Variants in ASCC1 observed in about 807,000 individuals in gnomAD.
The protein encoded by ASCC1 is activating signal cointegrator 1 complex subunit 1.
Under a neutral mutation model 46.6 loss-of-function variants are expected in ASCC1, and 35 were observed. The ratio of observed to expected loss-of-function variants is 0.75; its 90% CI spans 0.57 to 0.99. The LOEUF (loss-of-function observed/expected upper bound fraction) is 0.99, where lower values mean the gene tolerates loss of function less well. Among genes scored for constraint, ASCC1 ranks in the 50% least tolerant of loss-of-function variants. ASCC1 has a pLI of 0.00. For synonymous variants in ASCC1, 143 were observed against 146.6 expected (o/e 0.98, Z 0.18); for missense variants, 376 against 428.7 (o/e 0.88, Z 1.09).
At chr10:72,210,928 G>C in intron 2 of ASCC1, 97 bp from the exon 3 acceptor site, 1 of 1,069,946 alleles carries the variant, frequency 9.3e-7, no homozygotes, top group Non-Finnish European at 1.4e-6. Flanking sequence ...TTTAAAAAAA[G>C]CAATACACAG....
chr10:72,182,754 T>A (rs1852809333), intron 5 of ASCC1, among the ~76,000 whole-genome samples: 1 of 149,746 alleles, frequency 6.7e-6, no homozygotes, highest in African/African-American at 2.5e-5. Context: ...GGCCAGAGGA[T>A]CACTTGAGGC....
chr10:72,160,976 A>G (rs573910428), intron 6 of ASCC1, among the ~76,000 whole-genome samples: 34 of 151,986 alleles, frequency 2.2e-4, no homozygotes, highest in African/African-American at 5.3e-4. Context: ...CCAGCTACTC[A>G]GGAGGCTGAG....
rs549491517 is a variant in ASCC1, at chr10:72,153,737, A to AT, written c.627-750dup. 7.2e-3 allele frequency among the ~76,000 whole-genome samples: 938 copies of AT among 130,204 alleles called. 3 individuals carry two copies. Among genetic ancestry groups the AT allele is most frequent in the Middle Eastern group, 0.028 (5 of 180 alleles). The allele number at this position is 130,204 out of a possible 152,430, so 85.4% of individuals were successfully genotyped here. On this transcript the variant is annotated intron_variant, in intron 6 of 9. Coordinates refer to ENST00000672957, the MANE Select transcript of ASCC1 (RefSeq NM_001198800.3). The stretch of plus-strand genomic sequence containing the variant: ...CACCACGCCTGGCCTTTTTTATTTT[A>AT]TTTTTTTTGAGACAGTTTTGCTAGT...
At chr10:72,111,411 G>C (rs1564587557) in intron 9 of ASCC1, among the ~76,000 whole-genome samples, 1 of 152,170 alleles carries the variant, frequency 6.6e-6, no homozygotes. Flanking sequence ...ACTTAAGCCT[G>C]GGAGACTGAG....
chr10:72,120,385 C>T (rs1844051925), intron 9 of ASCC1, among the ~76,000 whole-genome samples: 1 of 151,462 alleles, frequency 6.6e-6, no homozygotes, highest in South Asian at 2.1e-4. Context: ...AAGCAGAGAA[C>T]AAAGACTGAA....
At chr10:72,160,819 C>T (rs1044424116) in intron 6 of ASCC1, among the ~76,000 whole-genome samples, 1 of 149,354 alleles carries the variant, frequency 6.7e-6, no homozygotes, top group Non-Finnish European at 1.5e-5. Flanking sequence ...CTTGGTTGCT[C>T]ACGCCTGTAA....
chr10:72,156,581 T>C (rs1848992096), intron 6 of ASCC1, among the ~76,000 whole-genome samples: 1 of 151,952 alleles, frequency 6.6e-6, no homozygotes, highest in Non-Finnish European at 1.5e-5. Context: ...GCTAACATGC[T>C]GAAAGACGGT....
chr10:72,121,936 A>T (rs751761620), intron 9 of ASCC1, among the ~76,000 whole-genome samples: 4 of 152,250 alleles, frequency 2.6e-5, no homozygotes, highest in African/African-American at 4.8e-5. Context: ...ATCCAACAAC[A>T]GCAGATTACA....
chr10:72,109,913 A>G (rs1294871369), intron 9 of ASCC1, among the ~76,000 whole-genome samples: 1 of 152,204 alleles, frequency 6.6e-6, no homozygotes, highest in Non-Finnish European at 1.5e-5. Flanking sequence ...CCGTTTCCAC[A>G]TTACGTCACA....
intron 5 of ASCC1, among the ~76,000 whole-genome samples, chr10:72,162,053 G>A (rs1849756125): frequency 6.6e-6 from 1 of 151,866 alleles, no homozygotes; most frequent in Non-Finnish European, 1.5e-5. Flanking sequence ...GTGAAAAGAA[G>A]CCTACAGAAT....
At chr10:72,112,296 C>T (rs560321942) in intron 9 of ASCC1, among the ~76,000 whole-genome samples, 31 of 152,260 alleles carry the variant, frequency 2.0e-4, no homozygotes, top group African/African-American at 7.2e-4. Flanking sequence ...ACCTTGAAAA[C>T]ATTATGCTGA....
At chr10:72,129,616 A>G (rs966797797) in intron 8 of ASCC1, among the ~76,000 whole-genome samples, 3 of 151,660 alleles carry the variant, frequency 2.0e-5, no homozygotes, top group Non-Finnish European at 4.4e-5. Flanking sequence ...AACTAGCCTG[A>G]CCAACATGGT....
intron 5 of ASCC1, among the ~76,000 whole-genome samples, chr10:72,164,499 GTGTA>G (rs1246383647): frequency 6.6e-6 from 1 of 152,124 alleles, no homozygotes; most frequent in Non-Finnish European, 1.5e-5. Context: ...TAATATTTTA[GTGTA>G]TGTATGTATC....
chr10:72,168,275 C>A (rs1287849304), intron 5 of ASCC1, among the ~76,000 whole-genome samples: 1 of 152,054 alleles, frequency 6.6e-6, no homozygotes, highest in African/African-American at 2.4e-5. Flanking sequence ...AGGCAAAAGA[C>A]AGACACTTCA....
intron 6 of ASCC1, among the ~76,000 whole-genome samples, chr10:72,155,281 T>A (rs1848823108): frequency 6.6e-6 from 1 of 152,188 alleles, no homozygotes; most frequent in Non-Finnish European, 1.5e-5. Flanking sequence ...GTTAAAATTT[T>A]AAAAAATATC....
chr10:72,199,575 C>T (rs560784296), intron 4 of ASCC1, among the ~76,000 whole-genome samples: 5 of 152,134 alleles, frequency 3.3e-5, no homozygotes, highest in African/African-American at 7.2e-5. Flanking sequence ...GGATTACAGG[C>T]GTGAGCCACT....
chr10:72,109,685 G>A lies in ASCC1; in HGVS notation c.958-12235C>T, dbSNP rs1242366140. Among the ~76,000 whole-genome samples, 13 of 152,132 alleles carry A rather than the reference G, an allele frequency of 8.5e-5. No homozygotes were observed. In the East Asian group the frequency reaches 1.3e-3, roughly 16 times the overall value. On this transcript the variant is annotated intron_variant, in intron 9 of 9. Transcript: ENST00000672957. ...ACCTATTAGAGGATGAATTAAAACC[G>A]CTATATACAAACAGGATGCCAGGCA...
At chr10:72,102,445 T>C (rs1302567278) in intron 9 of ASCC1, 2 of 1,508,058 alleles carry the variant, frequency 1.3e-6, no homozygotes, top group Non-Finnish European at 1.8e-6. Context: ...CAGATCACTA[T>C]AAAAGGCTTT....
chr10:72,125,580 T>C (rs1452858141), intron 9 of ASCC1, among the ~76,000 whole-genome samples: 2 of 152,228 alleles, frequency 1.3e-5, no homozygotes, highest in East Asian at 1.9e-4. Flanking sequence ...GGGTGGACTA[T>C]GGCTACTTCA....
Sources: allele counts gnomAD v4.1 joint callset (sites outside exome capture counted in the v4.1 genomes callset), GRCh38; gene constraint gnomAD v4.1.1; transcripts MANE v1.5; gene names NCBI Gene and HGNC (gene_info 2026-07-23, HGNC 2026-07-21).